Variants in CDC123 observed in about 807,000 individuals in gnomAD.
CDC123 encodes translation initiation factor eIF2 assembly protein.
A neutral mutation model predicts 54.4 loss-of-function variants in CDC123; 37 were observed. That is an observed-to-expected ratio of 0.68 (90% CI 0.52 to 0.89). CDC123 has a LOEUF of 0.89. CDC123 is among the 40% of genes least tolerant of loss of function. CDC123 has a pLI of 0.00. For missense variants in CDC123, 361 were observed against 412.1 expected, an observed-to-expected ratio of 0.88 and a Z score of 1.07; for synonymous variants, 144 against 136.8, an observed-to-expected ratio of 1.05 and a Z score of -0.37.
chr10:12,244,248 C>T lies in CDC123; in HGVS notation c.718-1901C>T, dbSNP rs140495073. ...GTCTTGTTGCTTGGAATTTCACAGA[C>T]ACACACCCGCTCAGGACATGGCGGC... On this transcript the variant is annotated intron_variant, in intron 10 of 12. Coordinates refer to ENST00000281141, the MANE Select transcript of CDC123 (RefSeq NM_006023.3). 1.1e-3 allele frequency among the ~76,000 whole-genome samples: 166 copies of T among 152,314 alleles called. 2 individuals are homozygous for T. Among genetic ancestry groups the T allele is most frequent in the African/African-American group, 3.5e-3 (146 of 41,572 alleles).
At chr10:12,222,464 A>T (rs1835750195) in intron 6 of CDC123, among the ~76,000 whole-genome samples, 1 of 152,216 alleles carries the variant, frequency 6.6e-6, no homozygotes, top group South Asian at 2.1e-4. Flanking sequence ...CTAAAAATAC[A>T]AAAAAGAGAG....
intron 6 of CDC123, among the ~76,000 whole-genome samples, chr10:12,226,933 G>A (rs1035828849): frequency 1.4e-4 from 22 of 151,786 alleles, no homozygotes; most frequent in Non-Finnish European, 2.5e-4. Context: ...GTAGCGAGCC[G>A]AGATCACACC....
chr10:12,220,303 TA>T (rs1428990626), intron 6 of CDC123, among the ~76,000 whole-genome samples: 2 of 152,260 alleles, frequency 1.3e-5, no homozygotes, highest in Non-Finnish European at 2.9e-5. Context: ...TCTTGCTTTT[TA>T]TCTTCGTTTA....
intron 6 of CDC123, among the ~76,000 whole-genome samples, chr10:12,218,573 C>T (rs1164246425): frequency 7.2e-5 from 11 of 152,148 alleles, no homozygotes; most frequent in Admixed American, 7.2e-4. Context: ...TGCTTTTGCA[C>T]TTACCAGTGT....
chr10:12,238,380 GTACTT>G, intron 9 of CDC123, 72 bp from the exon 10 acceptor site: 1 of 1,490,328 alleles, frequency 6.7e-7, no homozygotes, highest in Non-Finnish European at 9.2e-7. Flanking sequence ...TGATTAAAAT[GTACTT>G]TAATTTTCAA....
chr10:12,225,746 C>CTTTTTTTTTTTTTTTTTTT (rs60404885), intron 6 of CDC123, among the ~76,000 whole-genome samples: 28 of 66,952 alleles, frequency 4.2e-4, no homozygotes, highest in Non-Finnish European at 5.4e-4. Flanking sequence ...TAGCTTCTCT[C>CTTTTTTTTTTTTTTTTTTT]TTTTTTTTTT....
At chr10:12,236,299 A>G (rs1179349522) in intron 8 of CDC123, among the ~76,000 whole-genome samples, 1 of 152,190 alleles carries the variant, frequency 6.6e-6, no homozygotes, top group Non-Finnish European at 1.5e-5. Context: ...TTACTAAATG[A>G]AAATAACTGT....
chr10:12,233,022 G>A (rs1355552199), intron 7 of CDC123, among the ~76,000 whole-genome samples: 1 of 152,066 alleles, frequency 6.6e-6, no homozygotes, highest in Non-Finnish European at 1.5e-5. Context: ...GCCTCCCAAA[G>A]TGCTGGGATT....
At chr10:12,239,654 G>T (rs1836029197) in intron 10 of CDC123, among the ~76,000 whole-genome samples, 1 of 151,046 alleles carries the variant, frequency 6.6e-6, no homozygotes, top group South Asian at 2.1e-4. Context: ...GTTGCAGTGA[G>T]TTGAGATTGT....
At chr10:12,242,734 G>C (rs892071005) in intron 10 of CDC123, among the ~76,000 whole-genome samples, 1 of 152,074 alleles carries the variant, frequency 6.6e-6, no homozygotes, top group African/African-American at 2.4e-5. Flanking sequence ...CTGAGATCAG[G>C]AGCTCAAGAC....
intron 2 of CDC123, among the ~76,000 whole-genome samples, chr10:12,209,331 G>C (rs1835565000): frequency 6.6e-6 from 1 of 151,938 alleles, no homozygotes; most frequent in African/African-American, 2.4e-5. Context: ...CAAACTCTTG[G>C]GCTCAAGGGA....
intron 10 of CDC123, among the ~76,000 whole-genome samples, chr10:12,240,917 G>A (rs1376570213): frequency 6.6e-6 from 1 of 152,146 alleles, no homozygotes; most frequent in East Asian, 1.9e-4. Flanking sequence ...CATTTCACAC[G>A]CTGCAGGTGA....
chr10:12,226,927 C>G (rs906093654), intron 6 of CDC123, among the ~76,000 whole-genome samples: 1 of 152,030 alleles, frequency 6.6e-6, no homozygotes, highest in Non-Finnish European at 1.5e-5. Context: ...GAGGTTGTAG[C>G]GAGCCGAGAT....
chr10:12,197,302 G>T (rs1182251417), intron 1 of CDC123, among the ~76,000 whole-genome samples: 1 of 152,082 alleles, frequency 6.6e-6, no homozygotes, highest in African/African-American at 2.4e-5. Flanking sequence ...GCAAAGTTTC[G>T]CTTGAAATTG....
intron 11 of CDC123, among the ~76,000 whole-genome samples, chr10:12,249,240 C>T (rs1836204195): frequency 6.6e-6 from 1 of 151,962 alleles, no homozygotes; most frequent in South Asian, 2.1e-4. Context: ...AGTTCAAGAC[C>T]AGCCTGGGCA....
At chr10:12,213,866 A>C (rs1350464765) in intron 4 of CDC123, among the ~76,000 whole-genome samples, 2 of 152,180 alleles carry the variant, frequency 1.3e-5, no homozygotes, top group Non-Finnish European at 1.5e-5. Context: ...AGTATGGGAG[A>C]AAAGACAATT....
At chr10:12,227,739 G>A (rs921443727) in intron 6 of CDC123, among the ~76,000 whole-genome samples, 6 of 151,900 alleles carry the variant, frequency 3.9e-5, no homozygotes, top group East Asian at 1.9e-4. Flanking sequence ...CTCGTGATCC[G>A]CCCACCTCAG....
chr10:12,235,803 TCTCATATTG>T (rs1404137623), intron 8 of CDC123, among the ~76,000 whole-genome samples: 2 of 152,204 alleles, frequency 1.3e-5, no homozygotes, highest in Admixed American at 6.5e-5. Context: ...TGTTCACATT[TCTCATATTG>T]CTCGATATTC....
Position 12,250,480 on chromosome 10 carries a change from C to A in CDC123, c.*143C>A, listed in dbSNP as rs138917849. ...ACTTTTTATATTCATGTACATTCAC[C>A]TGGGGAAAAAAACGGAGGGACTTTG... is the stretch of plus-strand genomic sequence containing the variant. On this transcript the variant is annotated 3_prime_UTR_variant, in exon 13 of 13. Coordinates refer to ENST00000281141, the MANE Select transcript of CDC123 (RefSeq NM_006023.3). 4.3e-4 allele frequency: 312 copies of A among 722,016 alleles called. 3 individuals are homozygous for A. The East Asian group carries it at 7.8e-3, about 18-fold the overall frequency. 44.7% of individuals were successfully genotyped at this position (722,016 alleles called of 1,614,324 possible).
Sources: allele counts gnomAD v4.1 joint callset (sites outside exome capture counted in the v4.1 genomes callset), GRCh38; gene constraint gnomAD v4.1.1; transcripts MANE v1.5; gene names NCBI Gene and HGNC (gene_info 2026-07-23, HGNC 2026-07-21).